The following PCDH15 variants were observed in gnomAD, a reference collection of about 807,000 sequenced individuals.
The protein encoded by PCDH15 is protocadherin related 15.
Under a neutral mutation model 178.5 loss-of-function variants are expected in PCDH15, and 129 were observed. That is an observed-to-expected ratio of 0.72 (90% CI 0.63 to 0.84). The LOEUF (loss-of-function observed/expected upper bound fraction) is 0.84. Ranked by LOEUF, PCDH15 falls within the 40% of genes least tolerant of loss-of-function variation. The pLI is 0.00. For synonymous variants in PCDH15, 800 were observed against 732.0 expected (o/e 1.09, Z -1.50); for missense variants, 2,230 against 2,099.9 (o/e 1.06, Z -1.21).
intron 3 of PCDH15, among the ~76,000 whole-genome samples, chr10:54,472,251 T>TA (rs2077967645): frequency 7.1e-6 from 1 of 140,598 alleles, no homozygotes. Flanking sequence ...GAACTAAACA[T>TA]AAAAATGGTA....
chr10:55,482,337 A>G (rs1840199581), intron 2 of PCDH15, among the ~76,000 whole-genome samples: 3 of 151,678 alleles, frequency 2.0e-5, no homozygotes, highest in Admixed American at 2.0e-4. Flanking sequence ...TAGTATTGTT[A>G]TGTGTGGATT....
At chr10:53,868,179 A>G (rs1483890316) in intron 26 of PCDH15, among the ~76,000 whole-genome samples, 1 of 152,036 alleles carries the variant, frequency 6.6e-6, no homozygotes, top group Non-Finnish European at 1.5e-5. Flanking sequence ...CTTATTCATG[A>G]TACTAGATAT....
intron 1 of PCDH15, among the ~76,000 whole-genome samples, chr10:55,300,906 G>T (rs113992617): frequency 0.023 from 3,448 of 152,136 alleles, 131 homozygotes; most frequent in African/African-American, 0.077. Context: ...ATTGATGTAG[G>T]CATCTATAGA....
At chr10:55,581,827 G>C (rs1842621418) in intron 2 of PCDH15, among the ~76,000 whole-genome samples, 1 of 152,020 alleles carries the variant, frequency 6.6e-6, no homozygotes, top group African/African-American at 2.4e-5. Flanking sequence ...CACACACACT[G>C]TTACACATGT....
At chr10:55,191,883 C>G (rs1839952507) in intron 1 of PCDH15, among the ~76,000 whole-genome samples, 1 of 151,750 alleles carries the variant, frequency 6.6e-6, no homozygotes, top group African/African-American at 2.4e-5. Flanking sequence ...CTCAGCCTCT[C>G]AAAGCATGAC....
At chr10:55,480,970 CTTTTTTAGGTTGATAGG>C (rs1840167810) in intron 2 of PCDH15, among the ~76,000 whole-genome samples, 1 of 151,554 alleles carries the variant, frequency 6.6e-6, no homozygotes, top group Non-Finnish European at 1.5e-5. Flanking sequence ...TGGTCCTGGG[CTTTTTTAGGTTGATAGG>C]CTATTTATTA....
At chr10:54,641,966 G>T in intron 2 of PCDH15, among the ~76,000 whole-genome samples, 1 of 151,986 alleles carries the variant, frequency 6.6e-6, no homozygotes, top group Admixed American at 6.6e-5. Flanking sequence ...TACCTCCTCA[G>T]TTTCATCAGC....
intron 1 of PCDH15, among the ~76,000 whole-genome samples, chr10:55,218,847 C>T (rs544188615): frequency 1.1e-3 from 160 of 152,128 alleles, no homozygotes; most frequent in Non-Finnish European, 2.0e-3. Flanking sequence ...AAATCCTCAT[C>T]TACACTCCGG....
chr10:54,510,790 T>C (rs2081579754), intron 3 of PCDH15, among the ~76,000 whole-genome samples: 1 of 152,192 alleles, frequency 6.6e-6, no homozygotes, highest in Admixed American at 6.6e-5. Context: ...TTGGTGTGAA[T>C]GTATTTCAAA....
At chr10:54,361,459 T>C (rs1310866957) in intron 5 of PCDH15, among the ~76,000 whole-genome samples, 1 of 152,120 alleles carries the variant, frequency 6.6e-6, no homozygotes, top group African/African-American at 2.4e-5. Flanking sequence ...GAGTGTTATC[T>C]ATTCATTGCA....
chr10:54,100,750 A>T (rs1047950551), intron 15 of PCDH15, among the ~76,000 whole-genome samples: 2 of 152,196 alleles, frequency 1.3e-5, no homozygotes. Flanking sequence ...CTTCTGGAAT[A>T]CTCAGCAACA....
At chr10:54,344,628 C>A (rs550242508) in intron 6 of PCDH15, among the ~76,000 whole-genome samples, 1 of 152,026 alleles carries the variant, frequency 6.6e-6, no homozygotes, top group Admixed American at 6.6e-5. Context: ...AAAATTTGAG[C>A]TAGAAACATG....
intron 1 of PCDH15, among the ~76,000 whole-genome samples, chr10:54,766,788 G>T (rs542450341): frequency 6.6e-6 from 1 of 152,116 alleles, no homozygotes; most frequent in Non-Finnish European, 1.5e-5. Flanking sequence ...AATTAGCCAG[G>T]CGCGGTGGCA....
chr10:53,983,419 C>CT (rs992131168), intron 21 of PCDH15, among the ~76,000 whole-genome samples: 4 of 150,748 alleles, frequency 2.7e-5, no homozygotes, highest in South Asian at 4.2e-4. Flanking sequence ...AAGTCCTGTG[C>CT]TTTTTTTACT....
intron 1 of PCDH15, among the ~76,000 whole-genome samples, chr10:54,783,177 A>C (rs1018009446): frequency 6.6e-6 from 1 of 152,096 alleles, no homozygotes; most frequent in African/African-American, 2.4e-5. Flanking sequence ...AATAATAATA[A>C]TTAACAAAGA....
chr10:55,151,409 G>A (rs1169703744), intron 2 of PCDH15, among the ~76,000 whole-genome samples: 1 of 151,996 alleles, frequency 6.6e-6, no homozygotes, highest in Non-Finnish European at 1.5e-5. Context: ...CTTTATATAT[G>A]AAAGTTTTAA....
At chr10:53,811,407 A>T (rs2075859225) in intron 36 of PCDH15, 142 bp downstream of exon 36, 1 of 466,480 alleles carries the variant, frequency 2.1e-6, no homozygotes, top group African/African-American at 2.1e-5. Flanking sequence ...ATAAAGCTAG[A>T]TATACTATTC....
At chr10:54,879,383 A>G (rs1194232852) in intron 3 of PCDH15, among the ~76,000 whole-genome samples, 1 of 152,104 alleles carries the variant, frequency 6.6e-6, no homozygotes. Context: ...TCTGGTAAAT[A>G]TTACTAACTC....
At chr10:54,600,410 A>G in intron 2 of PCDH15, 5 of 571,290 alleles carry the variant, frequency 8.8e-6, no homozygotes, top group South Asian at 5.7e-5. Flanking sequence ...AGGGAAGAGG[A>G]GTAAGACATT....
Sources: allele counts gnomAD v4.1 joint callset (sites outside exome capture counted in the v4.1 genomes callset), GRCh38; gene constraint gnomAD v4.1.1; transcripts MANE v1.5; gene names NCBI Gene and HGNC (gene_info 2026-07-23, HGNC 2026-07-21).